The following CILP variants were observed in gnomAD, a reference collection of about 807,000 sequenced individuals.
CILP encodes the protein cartilage intermediate layer protein, also known as cartilage intermediate layer protein 1.
CILP carries 75 observed loss-of-function variants against 82.5 expected under a neutral mutation model. The observed-to-expected ratio is 0.91, with a 90% confidence interval of 0.75 to 1.10. CILP has a LOEUF of 1.10. Ranked by LOEUF, CILP falls within the 50% of genes least tolerant of loss-of-function variation. CILP has a pLI of 0.00. For missense variants in CILP, 1,479 were observed against 1,530.8 expected (o/e 0.97, Z 0.56); for synonymous variants, 530 against 580.3 (o/e 0.91, Z 1.25).
chr15:65,196,465 G>T lies in CILP; in HGVS notation c.*266C>A, dbSNP rs2088362404. 7 of 391,548 alleles carry T rather than the reference G, an allele frequency of 1.8e-5. No homozygotes were observed. Among genetic ancestry groups the T allele is most frequent in the African/African-American group, 1.0e-4 (5 of 48,874 alleles). The allele number at this position is 391,548 out of a possible 1,614,324, so 24.3% of individuals were successfully genotyped here. ...ATTTGCATTAATGGCATTAAATGAA[G>T]TACAGTTGAAGCTGCAGAGTTTTAC... is the stretch of plus-strand genomic sequence containing the variant. On this transcript the variant is annotated 3_prime_UTR_variant, in exon 9 of 9. Transcript: ENST00000261883.
chr15:65,203,364 A>G lies in CILP; in HGVS notation c.1026T>C (p.Phe342=), dbSNP rs2088481282. ...AGGGTAGCTAGCAGAATACGCACCA[A>G]AAATACTTGTCTGGCCTGGGCTTCC... is the stretch of plus-strand genomic sequence containing the variant. ...ATGKPRPDKY[F]WYHNDTLLDP... is the part of the protein sequence containing the mutation. The change falls in exon 7 of 9, where the codon TTT becomes TTC. Residue 342 remains phenylalanine (F), a splice_region_variant and synonymous_variant. Transcript: ENST00000261883. 1 of 1,612,588 alleles carries G rather than the reference A, an allele frequency of 6.2e-7. No individual in the cohort carries two copies. Among genetic ancestry groups the G allele is most frequent in the Admixed American group, 1.7e-5 (1 of 60,004 alleles).
At chr15:65,204,162 C>T (rs1245757887) in intron 6 of CILP, 106 bp downstream of exon 6, 43 of 968,636 alleles carry the variant, frequency 4.4e-5, no homozygotes, top group Non-Finnish European at 5.9e-5. Flanking sequence ...GGTAAGGATT[C>T]GGGGTTTTAC....
Position 65,198,398 on chromosome 15 carries a change from G to T in CILP, c.1888C>A (p.Arg630=), listed in dbSNP as rs530704700. 3 of 1,614,078 alleles carry T rather than the reference G, an allele frequency of 1.9e-6. No individual in the cohort carries two copies. Among genetic ancestry groups the T allele is most frequent in the Non-Finnish European group, 2.5e-6 (3 of 1,180,032 alleles). ...GCAGCTGTGGCTGTGGAAATATTCC[G>T]GGGATCCAGGAAGGTCACACTGGCC... ...VKASVTFLDP[R]NISTATAAQT... is the part of the protein sequence containing the mutation. The change falls in exon 9 of 9, where the codon CGG becomes AGG. Residue 630 remains arginine (R), a synonymous_variant. Transcript: ENST00000261883.
intron 4 of CILP, 23 bp from the exon 5 acceptor site, chr15:65,205,489 G>T (rs201970392): frequency 1.3e-6 from 2 of 1,573,402 alleles, no homozygotes; most frequent in East Asian, 2.3e-5. Context: ...ATCAGCAGAC[G>T]GTCTGATTTC....
intron 8 of CILP, 34 bp from the exon 9 acceptor site, chr15:65,199,133 A>T (rs1443402933): frequency 1.4e-6 from 2 of 1,476,002 alleles, no homozygotes; most frequent in Non-Finnish European, 1.8e-6. Flanking sequence ...ATTAAGATGT[A>T]AGTTTACATC....
At position 65,203,964 on chromosome 15, in the gene CILP, G is replaced by A. The variant is rs142283236; in HGVS notation, c.919+304C>T. ...GAGCAAGCCACGCCAATATCTATGG[G>A]AAGAACATTCTAAACAGAATACATG... is the stretch of plus-strand genomic sequence containing the variant. On this transcript the variant is annotated intron_variant, in intron 6 of 8. Coordinates refer to ENST00000261883, the MANE Select transcript of CILP (RefSeq NM_003613.4). 2.6e-5 allele frequency among the ~76,000 whole-genome samples: 4 copies of A among 152,336 alleles called. No homozygotes were observed. The East Asian group carries it at 5.8e-4, about 22-fold the overall frequency.
chr15:65,199,294 G>A (rs1415011766), intron 8 of CILP, among the ~76,000 whole-genome samples, 195 bp from the exon 9 acceptor site: 1 of 152,190 alleles, frequency 6.6e-6, no homozygotes, highest in Non-Finnish European at 1.5e-5. Flanking sequence ...AACAGAGTTG[G>A]TTGATGGGAC....
intron 4 of CILP, among the ~76,000 whole-genome samples, chr15:65,206,385 C>T (rs1363419983): frequency 1.3e-5 from 2 of 152,118 alleles, no homozygotes; most frequent in Non-Finnish European, 2.9e-5. Flanking sequence ...TACTATTACC[C>T]AGGTGTCACA....
intron 2 of CILP, among the ~76,000 whole-genome samples, chr15:65,208,606 G>A (rs539892382): frequency 1.8e-4 from 27 of 152,256 alleles, no homozygotes; most frequent in Non-Finnish European, 3.4e-4. Flanking sequence ...TTTTCCATAC[G>A]AGGCTGGCAG....
chr15:65,194,797 G>C lies in CILP; in HGVS notation c.*1934C>G, dbSNP rs1342064519. 2.6e-5 allele frequency: 4 copies of C among 151,976 alleles called. No homozygotes were observed. Among genetic ancestry groups the C allele is most frequent in the African/African-American group, 7.3e-5 (3 of 41,346 alleles). The allele number at this position is 151,976 out of a possible 1,614,324, so 9.4% of individuals were successfully genotyped here. A position where few individuals can be genotyped will look rare whatever the true frequency, so the allele number is the denominator to read the frequency against. ...TCCATTTATTCAGGCCCTCAATTGAGAACAGCAAGGAAAGTGCCCTAGAGT... is the reference window on the plus strand; with the variant it reads ...TCCATTTATTCAGGCCCTCAATTGACAACAGCAAGGAAAGTGCCCTAGAGT... On this transcript the variant is annotated 3_prime_UTR_variant, in exon 9 of 9. Transcript: ENST00000261883.
intron 8 of CILP, among the ~76,000 whole-genome samples, chr15:65,201,559 T>C (rs1469767253): frequency 1.3e-5 from 2 of 151,616 alleles, no homozygotes; most frequent in African/African-American, 4.9e-5. Flanking sequence ...CGAAACACCA[T>C]CTCTACTAAA....
At chr15:65,199,127 A>G in intron 8 of CILP, 28 bp from the exon 9 acceptor site, 2 of 1,510,392 alleles carry the variant, frequency 1.3e-6, no homozygotes, top group Non-Finnish European at 1.8e-6. Context: ...GTGGAAATTA[A>G]GATGTAAGTT....
rs140184150 is a variant in CILP, at chr15:65,202,620, G to A, written c.1029-591C>T. ...TTTTTGTATTTTTAGTAGATATGGG[G>A]TTTCACCATGTTGGCCAGACTGGTC... On this transcript the variant is annotated intron_variant, in intron 7 of 8. Transcript: ENST00000261883. Among the ~76,000 whole-genome samples the A allele has an allele frequency of 4.8e-3, 724 of 151,972 alleles. 10 individuals carry two copies. Among genetic ancestry groups the A allele is most frequent in the African/African-American group, 0.017 (691 of 41,420 alleles).
Position 65,206,861 on chromosome 15 carries a change from C to G in CILP, c.345G>C (p.Glu115Asp). Residue 115 changes from glutamate to aspartate, a missense_variant, in exon 4 of 9, where the codon GAG (glutamate) becomes GAC (aspartate). Transcript: ENST00000261883. ...GCTCCCTGTTGAGGCACCAGAAACCCTCACGGGGACTACCATGGACCACCT... is the reference window on the plus strand; with the variant it reads ...GCTCCCTGTTGAGGCACCAGAAACCGTCACGGGGACTACCATGGACCACCT... ...TGQVVHGSPR[E>D]GFWCLNREQR... 1 of 1,614,104 alleles carries G rather than the reference C, an allele frequency of 6.2e-7. No homozygotes were observed. The highest frequency in any genetic ancestry group is 8.5e-7 in the Non-Finnish European group (1 of 1,180,020).
Position 65,197,695 on chromosome 15 carries a change from T to C in CILP, c.2591A>G (p.His864Arg), listed in dbSNP as rs752308827. 5 of 1,613,682 alleles carry C rather than the reference T, an allele frequency of 3.1e-6. No homozygotes were observed. Among genetic ancestry groups the C allele is most frequent in the Non-Finnish European group, 4.2e-6 (5 of 1,180,038 alleles). Reference protein sequence around the residue: ...LNKLNYRRTDHEDPRVKKTAF... With the variant: ...LNKLNYRRTDREDPRVKKTAF... ...TGTCTTTTTAACCCGTGGATCCTCATGGTCCGTCCGACGGTAGTTGAGCTT... is the reference window on the plus strand; with the variant it reads ...TGTCTTTTTAACCCGTGGATCCTCACGGTCCGTCCGACGGTAGTTGAGCTT... The change falls in exon 9 of 9, where the codon CAT becomes CGT. Residue 864 changes from histidine (H) to arginine (R), a missense_variant. Coordinates refer to ENST00000261883, the MANE Select transcript of CILP (RefSeq NM_003613.4).
chr15:65,200,448 C>G (rs2088434953), intron 8 of CILP, among the ~76,000 whole-genome samples: 1 of 36,952 alleles, frequency 2.7e-5, no homozygotes, highest in Non-Finnish European at 5.3e-5. Context: ...TTCTGTCCTT[C>G]TCTGCGTTTT....
Position 65,197,519 on chromosome 15 carries a change from CAT to C in CILP, c.2765_2766del (p.Tyr922Ter), listed in dbSNP as rs775437379. 5.0e-6 allele frequency: 8 copies of C among 1,614,110 alleles called. No homozygotes were observed. In the East Asian group the frequency reaches 1.1e-4, roughly 22 times the overall value. On this transcript the variant is annotated frameshift_variant, in exon 9 of 9. Coordinates refer to ENST00000261883, the MANE Select transcript of CILP (RefSeq NM_003613.4). LOFTEE classifies it high-confidence loss of function. ...FRFYQIEGDR[Y>X]DYNTVPFNED... The stretch of plus-strand genomic sequence containing the variant: ...TCGTTGAAGGGGACTGTGTTGTAGT[CAT>C]ATCGATCCCCCTCAATCTGGTAGAA...
chr15:65,209,851 G>C lies in CILP; in HGVS notation c.-96C>G. 2.0e-6 allele frequency: 2 copies of C among 999,472 alleles called. No individual in the cohort carries two copies. The highest frequency in any genetic ancestry group is 2.7e-5 in the South Asian group (2 of 73,868). 61.9% of individuals were successfully genotyped at this position (999,472 alleles called of 1,614,324 possible). A position where few individuals can be genotyped will look rare whatever the true frequency, so the allele number is the denominator to read the frequency against. On this transcript the variant is annotated 5_prime_UTR_variant, in exon 2 of 9. The change creates a new upstream start codon in the 5' untranslated region. Transcript: ENST00000261883. The stretch of plus-strand genomic sequence containing the variant: ...ATGCGGTCCCCTGGGAAGTTTCTCA[G>C]ATCCAGTGACCTGTAAAGAAACAAA...
intron 8 of CILP, among the ~76,000 whole-genome samples, chr15:65,201,297 T>C (rs532831402): frequency 1.5e-3 from 220 of 151,440 alleles, no homozygotes; most frequent in Non-Finnish European, 1.9e-3. Flanking sequence ...CCGCCACACC[T>C]GGCCTTAGCT....
Sources: gnomAD v4.1 joint callset for allele counts (sites outside exome capture counted in the v4.1 genomes callset) on GRCh38, gnomAD v4.1.1 for gene constraint, MANE v1.5 for transcripts, NCBI Gene and HGNC (gene_info 2026-07-23, HGNC 2026-07-21) for gene names.